Variants in COL27A1 observed in about 807,000 individuals in gnomAD.
COL27A1 encodes the protein collagen type XXVII alpha 1 chain.
Under a neutral mutation model 251.3 loss-of-function variants are expected in COL27A1, and 106 were observed. That is an observed-to-expected ratio of 0.42 (90% CI 0.36 to 0.50). The LOEUF (loss-of-function observed/expected upper bound fraction) is 0.50, where lower values mean the gene tolerates loss of function less well. Ranked by LOEUF, COL27A1 falls within the 20% of genes least tolerant of loss-of-function variation. COL27A1 has a pLI of 0.00. For synonymous variants in COL27A1, 1,000 were observed against 986.3 expected, an observed-to-expected ratio of 1.01 and a Z score of -0.26; for missense variants, 2,325 against 2,522.8, an observed-to-expected ratio of 0.92 and a Z score of 1.68.
intron 3 of COL27A1, among the ~76,000 whole-genome samples, chr9:114,169,864 G>C (rs927826739): frequency 6.6e-6 from 1 of 152,260 alleles, no homozygotes; most frequent in East Asian, 1.9e-4. Flanking sequence ...CCAGCTCATG[G>C]AGCAGGGGTC....
At chr9:114,241,705 C>A in intron 21 of COL27A1, among the ~76,000 whole-genome samples, 1 of 152,250 alleles carries the variant, frequency 6.6e-6, no homozygotes, top group Non-Finnish European at 1.5e-5. Flanking sequence ...ACGGCACCAT[C>A]CCGAGTGATG....
chr9:114,167,988 G>C lies in COL27A1; in HGVS notation c.433G>C (p.Val145Leu). Residue 145 changes from valine to leucine, a missense_variant, in exon 3 of 61, where the codon GTG (valine) becomes CTG (leucine). Val to Leu is a conservative substitution (Grantham distance 32, BLOSUM62 1). Transcript: ENST00000356083. ...CGTCCACCTCGGGTCCCGGCGCTCAGTGGCCTTCGACCTCGACATGCACGA... is the reference window on the plus strand; with the variant it reads ...CGTCCACCTCGGGTCCCGGCGCTCACTGGCCTTCGACCTCGACATGCACGA... Reference protein sequence around the residue: ...TVVHLGSRRSVAFDLDMHDGR... With the variant: ...TVVHLGSRRSLAFDLDMHDGR... The C allele has an allele frequency of 6.2e-7, 1 of 1,605,148 alleles. No homozygotes were observed. Among genetic ancestry groups the C allele is most frequent in the Non-Finnish European group, 8.5e-7 (1 of 1,179,818 alleles).
intron 21 of COL27A1, among the ~76,000 whole-genome samples, chr9:114,241,629 T>A (rs1318686223): frequency 3.3e-5 from 5 of 152,226 alleles, no homozygotes. Context: ...GAAAGCCCTA[T>A]GTATGCCTGC....
In COL27A1 at chr9:114,290,428, C is replaced by A; in HGVS notation, c.4368+97C>A. ...TGGGCCAGAGGAGCCCGTTTGGAAA[C>A]TTGGATGGGCAGAACCAACACATCC... On this transcript the variant is annotated intron_variant, in intron 47 of 60. Transcript: ENST00000356083. This position sits in a 1 kb window ranked among gnomAD's most constrained non-coding sequence, Gnocchi z 4.6. 2.8e-6 allele frequency: 3 copies of A among 1,088,918 alleles called. No homozygotes were observed. Among genetic ancestry groups the A allele is most frequent in the Non-Finnish European group, 4.1e-6 (3 of 733,410 alleles). 67.5% of individuals were successfully genotyped at this position (1,088,918 alleles called of 1,614,324 possible).
At chr9:114,170,787 C>G (rs990790761) in intron 3 of COL27A1, among the ~76,000 whole-genome samples, 5 of 152,212 alleles carry the variant, frequency 3.3e-5, no homozygotes, top group African/African-American at 9.6e-5. Flanking sequence ...AACGAGGAAC[C>G]CTTTTCACCT....
At chr9:114,267,405 C>G (rs1339807510) in intron 33 of COL27A1, 99 bp from the exon 34 acceptor site, 1 of 982,940 alleles carries the variant, frequency 1.0e-6, no homozygotes. Flanking sequence ...CTGTGTGACC[C>G]TGGGTGTTCT....
intron 15 of COL27A1, 34 bp from the exon 16 acceptor site, chr9:114,231,788 C>T (rs781399021): frequency 1.2e-5 from 20 of 1,612,554 alleles, no homozygotes; most frequent in Non-Finnish European, 1.6e-5. Context: ...GGCCTAGAGT[C>T]CCATCACAGC....
chr9:114,159,709 C>T (rs1020342809), intron 1 of COL27A1, among the ~76,000 whole-genome samples: 3 of 152,198 alleles, frequency 2.0e-5, no homozygotes, highest in Non-Finnish European at 4.4e-5. Context: ...TACAGCTCTT[C>T]CCTAATGTAT....
chr9:114,252,842 A>G, intron 26 of COL27A1, 37 bp from the exon 27 acceptor site: 3 of 1,607,600 alleles, frequency 1.9e-6, no homozygotes, highest in Non-Finnish European at 2.6e-6. Flanking sequence ...GGAAGCTTCC[A>G]TAGCTGATTC....
intron 24 of COL27A1, among the ~76,000 whole-genome samples, chr9:114,249,035 C>T (rs1020498381): frequency 6.6e-6 from 1 of 152,152 alleles, no homozygotes; most frequent in African/African-American, 2.4e-5. Flanking sequence ...CTCCCGTATT[C>T]GGAACAGTGC....
In COL27A1 at chr9:114,304,683, G is replaced by A. The variant is rs1347634919; in HGVS notation, c.4938+10G>A. Reference sequence around the variant, plus strand: ...AGCACTCAGGCCAGAGGTATCTCCAGGGGCTCTCCCCATGTGGGATCCCTT... The same window carrying A: ...AGCACTCAGGCCAGAGGTATCTCCAAGGGCTCTCCCCATGTGGGATCCCTT... On this transcript the variant is annotated intron_variant, in intron 57 of 60. Transcript: ENST00000356083. 1.2e-6 allele frequency: 2 copies of A among 1,613,088 alleles called. No homozygotes were observed. Among genetic ancestry groups the A allele is most frequent in the African/African-American group, 2.7e-5 (2 of 74,926 alleles).
chr9:114,244,741 G>A (rs567778255), intron 23 of COL27A1, among the ~76,000 whole-genome samples: 1 of 152,338 alleles, frequency 6.6e-6, no homozygotes, highest in African/African-American at 2.4e-5. Context: ...CTACTGGCTA[G>A]CCCGAGCCCA....
chr9:114,281,477 G>A (rs922010761), intron 37 of COL27A1, among the ~76,000 whole-genome samples: 14 of 152,230 alleles, frequency 9.2e-5, no homozygotes, highest in African/African-American at 3.4e-4. Flanking sequence ...GGGCAGAGTG[G>A]CCTGTCAGAG....
intron 7 of COL27A1, among the ~76,000 whole-genome samples, chr9:114,203,523 C>T (rs1221461269): frequency 6.6e-6 from 1 of 152,130 alleles, no homozygotes; most frequent in East Asian, 1.9e-4. Context: ...CCGGTTTGCC[C>T]ACTGGGGAAA....
rs374244461 is a variant in COL27A1, at chr9:114,158,501, G to A, written c.62+2489G>A. ...ATGTTTCCATGTGATGTTTCCTCGC[G>A]GCTCCCGTTTCGGCTGCCTCCTGGC... is the stretch of plus-strand genomic sequence containing the variant. On this transcript the variant is annotated intron_variant, in intron 1 of 60. Transcript: ENST00000356083. 6.6e-5 allele frequency among the ~76,000 whole-genome samples: 10 copies of A among 152,296 alleles called. No homozygotes were observed. The East Asian group carries it at 1.5e-3, about 23-fold the overall frequency.
chr9:114,303,238 T>C (rs1464648739), intron 56 of COL27A1, among the ~76,000 whole-genome samples: 3 of 136,328 alleles, frequency 2.2e-5, no homozygotes, highest in African/African-American at 7.7e-5. Flanking sequence ...TTTTTTTTTC[T>C]TTTCTTTTTT....
intron 14 of COL27A1, among the ~76,000 whole-genome samples, chr9:114,228,060 GGGGTTGCCCATGCCCAT>G (rs1399523501): frequency 6.6e-6 from 1 of 152,134 alleles, no homozygotes; most frequent in Non-Finnish European, 1.5e-5. Flanking sequence ...CTTCTCCCCT[GGGGTTGCCCATGCCCAT>G]GGGATGCCCA....
At chr9:114,209,356 C>A (rs996285309) in intron 10 of COL27A1, 8 of 632,092 alleles carry the variant, frequency 1.3e-5, no homozygotes, top group Non-Finnish European at 2.1e-5. Context: ...TAGCATCTAA[C>A]CCAGCCGCGA....
intron 27 of COL27A1, among the ~76,000 whole-genome samples, chr9:114,253,263 AAAAG>A (rs1266790119): frequency 6.9e-6 from 1 of 144,410 alleles, no homozygotes; most frequent in Non-Finnish European, 1.5e-5. Flanking sequence ...TGTCTCAAAA[AAAAG>A]AAAGGAAAAG....
Sources: allele counts gnomAD v4.1 joint callset (sites outside exome capture counted in the v4.1 genomes callset), GRCh38; gene constraint gnomAD v4.1.1; non-coding constraint Gnocchi (gnomAD v3.1); transcripts MANE v1.5; gene names NCBI Gene and HGNC (gene_info 2026-07-23, HGNC 2026-07-21).